COL8A2: variants seen among roughly 807,000 people sequenced by gnomAD.
COL8A2 encodes collagen type VIII alpha 2 chain, also known as collagen alpha-2(VIII) chain.
COL8A2 carries 16 observed loss-of-function variants against 24.0 expected under a neutral mutation model. The observed-to-expected ratio is 0.67, with a 90% CI of 0.45 to 1.01. The LOEUF is 1.01. COL8A2 is among the 50% of genes least tolerant of loss of function. COL8A2 has a pLI of 0.00. For synonymous variants in COL8A2, 466 were observed against 424.5 expected, an observed-to-expected ratio of 1.10 and a Z score of -1.20; for missense variants, 818 against 942.4, an observed-to-expected ratio of 0.87 and a Z score of 1.73.
intron 3 of COL8A2, 88 bp downstream of exon 3, chr1:36,099,962 G>A (rs1643649806): frequency 5.6e-6 from 7 of 1,258,556 alleles, no homozygotes; most frequent in Non-Finnish European, 8.1e-6. Context: ...GCTGTGGAGG[G>A]CGCCTGAGGA....
Position 36,097,872 on chromosome 1 carries a change from G to A in COL8A2, c.1809C>T (p.Ser603=), listed in dbSNP as rs139081156. The A allele has an allele frequency of 1.6e-4, 257 of 1,612,372 alleles. 2 individuals are homozygous for A. In the African/African-American group the frequency reaches 2.8e-3, roughly 17 times the overall value. The change falls in exon 4 of 4, where the codon AGC becomes AGT. Residue 603 remains serine (S), a synonymous_variant. Transcript: ENST00000397799. ...KFDRTLYNGH[S]GYNPATGIFT... is the part of the protein sequence containing the mutation. Reference sequence around the variant, plus strand: ...AGATGCCAGTGGCTGGGTTGTAGCCGCTGTGGCCATTGTAGAGAGTCCGGT... The same window carrying A: ...AGATGCCAGTGGCTGGGTTGTAGCCACTGTGGCCATTGTAGAGAGTCCGGT...
intron 2 of COL8A2, among the ~76,000 whole-genome samples, chr1:36,103,495 G>T (rs190200342): frequency 2.0e-5 from 3 of 151,624 alleles, no homozygotes; most frequent in Admixed American, 2.0e-4. Flanking sequence ...GGATGGTCTC[G>T]ATCTCCTGAC....
chr1:36,121,653 G>A (rs1643915305), intron 1 of COL8A2, among the ~76,000 whole-genome samples: 1 of 151,036 alleles, frequency 6.6e-6, no homozygotes, highest in Admixed American at 6.6e-5. Flanking sequence ...GTTGCAGTGA[G>A]CCAAGATCGT....
At chr1:36,114,635 G>A (rs1184885789) in intron 2 of COL8A2, among the ~76,000 whole-genome samples, 1 of 152,118 alleles carries the variant, frequency 6.6e-6, no homozygotes, top group African/African-American at 2.4e-5. Flanking sequence ...CCTCCCTCAG[G>A]CAGAACAGCT....
intron 2 of COL8A2, among the ~76,000 whole-genome samples, chr1:36,109,397 T>G (rs1011005621): frequency 3.3e-5 from 5 of 152,010 alleles, no homozygotes. Flanking sequence ...GCCCTCCCTA[T>G]CAGGGACCCA....
At position 36,122,953 on chromosome 1, in the gene COL8A2, G is replaced by T. The variant is rs148546819; in HGVS notation, c.-62+2104C>A. On this transcript the variant is annotated intron_variant, in intron 1 of 3. Coordinates refer to ENST00000397799, the MANE Select transcript of COL8A2 (RefSeq NM_005202.4). The stretch of plus-strand genomic sequence containing the variant: ...CTGAAGCTTCCCCCTCCACACCTCT[G>T]CACGAGCTGTGCCCTCAGCCAGGAA... 4.5e-3 allele frequency among the ~76,000 whole-genome samples: 690 copies of T among 151,780 alleles called. 5 individuals carry two copies. The highest frequency in any genetic ancestry group is 0.015 in the African/African-American group (620 of 41,370).
Position 36,097,547 on chromosome 1 carries a change from G to GT in COL8A2, c.*21_*22insA. 6.4e-7 allele frequency: 1 copy of GT among 1,561,870 alleles called. No individual in the cohort carries two copies. Among genetic ancestry groups the GT allele is most frequent in the Non-Finnish European group, 8.8e-7 (1 of 1,140,334 alleles). The stretch of plus-strand genomic sequence containing the variant: ...TACCACTAAAGGGGAGGAGGCCAGG[G>GT]CAGCAGGACCCCCCCCGCGGGTTAT... On this transcript the variant is annotated 3_prime_UTR_variant, in exon 4 of 4. Transcript: ENST00000397799.
intron 2 of COL8A2, among the ~76,000 whole-genome samples, chr1:36,102,836 T>C (rs1643699424): frequency 6.6e-6 from 1 of 151,848 alleles, no homozygotes; most frequent in Non-Finnish European, 1.5e-5. Flanking sequence ...CACACCCAGC[T>C]AATTTTTTGT....
intron 1 of COL8A2, among the ~76,000 whole-genome samples, chr1:36,119,129 C>A (rs751904739): frequency 6.6e-6 from 1 of 152,104 alleles, no homozygotes; most frequent in South Asian, 2.1e-4. Flanking sequence ...GGTAACCAGG[C>A]TAGGAAGTGA....
Position 36,116,080 on chromosome 1 carries a change from C to A in COL8A2, c.-61-328G>T, listed in dbSNP as rs1643877712. ...TCTCAAAAAAAAAAAAAAGGAGGAACAGTGAGACGATGACATCAGGAGCCT... is the reference window on the plus strand; with the variant it reads ...TCTCAAAAAAAAAAAAAAGGAGGAAAAGTGAGACGATGACATCAGGAGCCT... On this transcript the variant is annotated intron_variant, in intron 1 of 3. Transcript: ENST00000397799. Among the ~76,000 whole-genome samples, 4 of 150,830 alleles carry A rather than the reference C, an allele frequency of 2.7e-5. No homozygotes were observed. In the South Asian group the frequency reaches 8.4e-4, roughly 32 times the overall value.
intron 2 of COL8A2, among the ~76,000 whole-genome samples, chr1:36,113,958 G>T (rs1643867178): frequency 6.6e-6 from 1 of 152,148 alleles, no homozygotes; most frequent in Admixed American, 6.5e-5. Context: ...CAGGGTAGGG[G>T]GGCAACCAAG....
chr1:36,120,531 C>T (rs1196889068), intron 1 of COL8A2, among the ~76,000 whole-genome samples: 75 of 151,314 alleles, frequency 5.0e-4, no homozygotes, highest in Admixed American at 1.3e-3. Context: ...GGGCAGATCA[C>T]AAGGTCAGGA....
In COL8A2 at chr1:36,099,308, C is replaced by A; in HGVS notation, c.373G>T (p.Ala125Ser). The A allele has an allele frequency of 1.9e-6, 3 of 1,576,006 alleles. No homozygotes were observed. The highest frequency in any genetic ancestry group is 2.6e-6 in the Non-Finnish European group (3 of 1,162,518). Residue 125 changes from alanine to serine, a missense_variant, in exon 4 of 4, where the codon GCT (alanine) becomes TCT (serine). Coordinates refer to ENST00000397799, the MANE Select transcript of COL8A2 (RefSeq NM_005202.4). ...TTGCCAGGGAGCCCTGGGGGACCAG[C>A]CTTGCCCATCCGGGAGAAGCCAGGG... is the stretch of plus-strand genomic sequence containing the variant. ...GPPGFSRMGK[A>S]GPPGLPGKVG... is the part of the protein sequence containing the mutation.
chr1:36,111,683 T>C (rs532040727), intron 2 of COL8A2, among the ~76,000 whole-genome samples: 120 of 152,246 alleles, frequency 7.9e-4, no homozygotes, highest in African/African-American at 2.7e-3. Context: ...CCTGAGCAGC[T>C]GGGACTACAG....
rs749281650 is a variant in COL8A2, at chr1:36,098,999, G to C, written c.682C>G (p.Pro228Ala). 1.9e-6 allele frequency: 3 copies of C among 1,590,122 alleles called. No homozygotes were observed. Among genetic ancestry groups the C allele is most frequent in the Admixed American group, 3.5e-5 (2 of 57,106 alleles). The change falls in exon 4 of 4, where the codon CCC becomes GCC. Residue 228 changes from proline (P) to alanine (A), a missense_variant. Around this residue, in one of 3 missense-constraint regions of COL8A2, gnomAD observed 573 missense variants for 616.8 expected, o/e 0.93. Coordinates refer to ENST00000397799, the MANE Select transcript of COL8A2 (RefSeq NM_005202.4). ...APGQGGAPGPPGLPGPAGLGK... is the reference protein window; with the variant it reads ...APGQGGAPGPAGLPGPAGLGK... ...AAGCCAGCTGGACCAGGGAGGCCGG[G>C]GGGGCCGGGGGCACCCCCCTGCCCT...
chr1:36,098,998 G>T lies in COL8A2; in HGVS notation c.683C>A (p.Pro228His), dbSNP rs773263148. 6.3e-7 allele frequency: 1 copy of T among 1,590,686 alleles called. No individual in the cohort carries two copies. The highest frequency in any genetic ancestry group is 2.3e-5 in the East Asian group (1 of 44,310). ...TAAGCCAGCTGGACCAGGGAGGCCG[G>T]GGGGGCCGGGGGCACCCCCCTGCCC... Reference protein sequence around the residue: ...APGQGGAPGPPGLPGPAGLGK... With the variant: ...APGQGGAPGPHGLPGPAGLGK... The change falls in exon 4 of 4, where the codon CCC becomes CAC. Residue 228 changes from proline to histidine, a missense_variant. Around this residue, in one of 3 missense-constraint regions of COL8A2, gnomAD observed 573 missense variants for 616.8 expected, o/e 0.93. Coordinates refer to ENST00000397799, the MANE Select transcript of COL8A2 (RefSeq NM_005202.4).
At position 36,097,968 on chromosome 1, in the gene COL8A2, G is replaced by A. The variant is rs1204499498; in HGVS notation, c.1713C>T (p.Ala571=). 1 of 1,607,830 alleles carries A rather than the reference G, an allele frequency of 6.2e-7. No homozygotes were observed. The highest frequency in any genetic ancestry group is 8.5e-7 in the Non-Finnish European group (1 of 1,179,018). ...KPQFGLGELS[A]HATPAFTAVL... ...CCGCAGTGAAGGCCGGTGTGGCATG[G>A]GCAGACAGCTCGCCCAGCCCAAACT... Residue 571 remains alanine, a synonymous_variant, in exon 4 of 4, where the codon GCC becomes GCT. Coordinates refer to ENST00000397799, the MANE Select transcript of COL8A2 (RefSeq NM_005202.4).
chr1:36,097,478 T>A lies in COL8A2; in HGVS notation c.*91A>T. 9.1e-7 allele frequency: 1 copy of A among 1,096,062 alleles called. No individual in the cohort carries two copies. Among genetic ancestry groups the A allele is most frequent in the South Asian group, 1.5e-5 (1 of 66,288 alleles). The allele number at this position is 1,096,062 out of a possible 1,614,324, so 67.9% of individuals were successfully genotyped here. A position where few individuals can be genotyped will look rare whatever the true frequency, so the allele number is the denominator to read the frequency against. On this transcript the variant is annotated 3_prime_UTR_variant, in exon 4 of 4. Coordinates refer to ENST00000397799, the MANE Select transcript of COL8A2 (RefSeq NM_005202.4). ...GCCACGGCCGCCTCTGTTCAGCTTTTGTTTTTTTTTCCAGGAGGTTCTTTG... is the reference window on the plus strand; with the variant it reads ...GCCACGGCCGCCTCTGTTCAGCTTTAGTTTTTTTTTCCAGGAGGTTCTTTG...
rs1214755625 is a variant in COL8A2 at position 36,097,853 on chromosome 1, C to T, written c.1828G>A (p.Gly610Ser). The T allele has an allele frequency of 6.2e-7, 1 of 1,613,052 alleles. No homozygotes were observed. Among genetic ancestry groups the T allele is most frequent in the Admixed American group, 1.7e-5 (1 of 60,030 alleles). ...CCGCCCACAGGGCAGGTGAAGATGC[C>T]AGTGGCTGGGTTGTAGCCGCTGTGG... ...NGHSGYNPAT[G>S]IFTCPVGGVY... The change falls in exon 4 of 4, where the codon GGC becomes AGC. Residue 610 changes from glycine to serine, a missense_variant. By Grantham distance (56) the Gly-to-Ser change is moderately conservative. This residue lies in a region of COL8A2 where 235 missense variants were observed against 297.3 expected (regional missense o/e 0.79). Transcript: ENST00000397799.
Sources: allele counts gnomAD v4.1 joint callset (sites outside exome capture counted in the v4.1 genomes callset), GRCh38; gene constraint gnomAD v4.1.1; regional missense constraint gnomAD v4.1.1; transcripts MANE v1.5; gene names NCBI Gene and HGNC (gene_info 2026-07-23, HGNC 2026-07-21).